SAMMSON: variants seen among roughly 807,000 people sequenced by gnomAD.
SAMMSON encodes the protein long intergenic non-protein coding RNA 1212.
intron 7 of SAMMSON, among the ~76,000 whole-genome samples, chr3:70,331,333 G>C (rs568439138): frequency 9.2e-5 from 14 of 152,216 alleles, no homozygotes; most frequent in Non-Finnish European, 1.8e-4. Context: ...CTGGTGTATC[G>C]CTAGGGCTTA....
At chr3:70,243,977 A>G (rs1385784250) in intron 4 of SAMMSON, among the ~76,000 whole-genome samples, 3 of 152,096 alleles carry the variant, frequency 2.0e-5, no homozygotes, top group East Asian at 3.9e-4. Flanking sequence ...TCTGCTAATT[A>G]TCTCCTCACC....
intron 7 of SAMMSON, among the ~76,000 whole-genome samples, chr3:70,324,920 C>A (rs202121111): frequency 2.2e-3 from 301 of 134,588 alleles, no homozygotes; most frequent in Admixed American, 2.7e-3. Flanking sequence ...TGTAAATGGC[C>A]AAAAAAAAAA....
At chr3:70,422,165 A>G (rs1307937578) in intron 2 of SAMMSON, among the ~76,000 whole-genome samples, 3 of 152,076 alleles carry the variant, frequency 2.0e-5, no homozygotes, top group Non-Finnish European at 2.9e-5. Flanking sequence ...AGAGGTGTAT[A>G]TGGGAAAATG....
intron 4 of SAMMSON, among the ~76,000 whole-genome samples, chr3:70,179,925 A>G (rs1297617147): frequency 2.6e-5 from 4 of 151,996 alleles, no homozygotes; most frequent in South Asian, 2.1e-4. Flanking sequence ...TAGTGTCAAC[A>G]GTCCTGTGAC....
At chr3:70,006,549 T>C (rs1218205278) in intron 1 of SAMMSON, among the ~76,000 whole-genome samples, 1 of 152,198 alleles carries the variant, frequency 6.6e-6, no homozygotes, top group African/African-American at 2.4e-5. Flanking sequence ...GTCCATGTGA[T>C]TTCTACCACT....
At chr3:70,135,885 G>T (rs1299473364) in intron 4 of SAMMSON, among the ~76,000 whole-genome samples, 2 of 150,248 alleles carry the variant, frequency 1.3e-5, no homozygotes, top group African/African-American at 4.9e-5. Flanking sequence ...AATCACTTGA[G>T]CATGTGGCTT....
chr3:70,140,681 A>G (rs936181207), intron 4 of SAMMSON, among the ~76,000 whole-genome samples: 1 of 152,182 alleles, frequency 6.6e-6, no homozygotes, highest in Non-Finnish European at 1.5e-5. Context: ...ATCTACAAAA[A>G]CAAGGTTTCC....
intron 4 of SAMMSON, among the ~76,000 whole-genome samples, chr3:70,088,481 G>T (rs996705887): frequency 1.3e-5 from 2 of 152,178 alleles, no homozygotes; most frequent in African/African-American, 2.4e-5. Context: ...CTCAACGGAA[G>T]TGAGAAAGTA....
intron 4 of SAMMSON, among the ~76,000 whole-genome samples, chr3:70,220,831 T>C (rs1701455201): frequency 6.6e-6 from 1 of 152,184 alleles, no homozygotes. Flanking sequence ...CATTTCCTTT[T>C]TTGTGCTTCC....
chr3:70,067,182 C>T (rs986607941), intron 3 of SAMMSON, among the ~76,000 whole-genome samples: 3 of 151,768 alleles, frequency 2.0e-5, no homozygotes, highest in Admixed American at 1.3e-4. Flanking sequence ...GCACAGGTAT[C>T]GGAGAGATTT....
chr3:70,401,132 C>A (rs1180413595), intron 2 of SAMMSON, among the ~76,000 whole-genome samples: 1 of 152,002 alleles, frequency 6.6e-6, no homozygotes, highest in Non-Finnish European at 1.5e-5. Flanking sequence ...TTCTTGTTTG[C>A]ACTAGTAATT....
At chr3:70,281,184 T>C (rs1286565517) in intron 6 of SAMMSON, among the ~76,000 whole-genome samples, 1 of 152,140 alleles carries the variant, frequency 6.6e-6, no homozygotes, top group East Asian at 1.9e-4. Context: ...TTAGTGTAGT[T>C]GTCAGGATGC....
At chr3:70,245,246 G>C (rs1701695759) in intron 4 of SAMMSON, among the ~76,000 whole-genome samples, 2 of 151,990 alleles carry the variant, frequency 1.3e-5, no homozygotes, top group Admixed American at 6.6e-5. Context: ...TTCAAAAGAA[G>C]ATGAGAATTA....
At chr3:70,013,297 A>T (rs181859051) in intron 2 of SAMMSON, among the ~76,000 whole-genome samples, 1 of 152,256 alleles carries the variant, frequency 6.6e-6, no homozygotes, top group Non-Finnish European at 1.5e-5. Context: ...AAAAAATATG[A>T]ACTAGAAGCA....
intron 4 of SAMMSON, among the ~76,000 whole-genome samples, chr3:70,224,949 G>A (rs1308259375): frequency 2.6e-5 from 4 of 151,942 alleles, no homozygotes; most frequent in Non-Finnish European, 5.9e-5. Context: ...CATTAGTTTT[G>A]ACTAAATACA....
At chr3:70,418,771 A>G (rs559876513) in intron 2 of SAMMSON, among the ~76,000 whole-genome samples, 4 of 152,192 alleles carry the variant, frequency 2.6e-5, no homozygotes, top group Non-Finnish European at 4.4e-5. Flanking sequence ...TTTCTTTTCA[A>G]TTGTTCCTCT....
intron 9 of SAMMSON, among the ~76,000 whole-genome samples, chr3:70,385,699 T>C (rs908292576): frequency 1.3e-5 from 2 of 152,090 alleles, no homozygotes; most frequent in Admixed American, 6.6e-5. Flanking sequence ...GATGTCAGAC[T>C]CAGAGTCCCT....
At chr3:70,074,241 A>C (rs761593146) in intron 4 of SAMMSON, among the ~76,000 whole-genome samples, 3 of 152,098 alleles carry the variant, frequency 2.0e-5, no homozygotes, top group East Asian at 1.9e-4. Flanking sequence ...TCAATAAATA[A>C]ATTTTTAGAT....
downstream of SAMMSON, among the ~76,000 whole-genome samples, chr3:70,392,325 G>A (rs1161301973): frequency 6.6e-6 from 1 of 152,128 alleles, no homozygotes; most frequent in Non-Finnish European, 1.5e-5. Context: ...TGAATTTGAG[G>A]CTCACAGAGG....
Sources: allele counts gnomAD v4.1 joint callset (sites outside exome capture counted in the v4.1 genomes callset), GRCh38; gene constraint gnomAD v4.1.1; transcripts MANE v1.5; gene names NCBI Gene and HGNC (gene_info 2026-07-23, HGNC 2026-07-21).